Variants in TUBA3C observed in about 807,000 individuals in gnomAD.
TUBA3C encodes tubulin alpha-3C chain.
A neutral mutation model predicts 33.4 loss-of-function variants in TUBA3C; 23 were observed. The observed-to-expected ratio is 0.69, with a 90% confidence interval of 0.50 to 0.98. The LOEUF (loss-of-function observed/expected upper bound fraction) is 0.98, where lower values mean the gene tolerates loss of function less well. Among genes scored for constraint, TUBA3C ranks in the 50% least tolerant of loss-of-function variants. The pLI is 0.00. For missense variants in TUBA3C, 402 were observed against 616.0 expected (o/e 0.65, Z 3.68); for synonymous variants, 269 against 250.4 (o/e 1.07, Z -0.70).
chr13:19,179,542 C>A lies in TUBA3C; in HGVS notation c.25G>T (p.Val9Leu), dbSNP rs139375472. 23 of 1,614,224 alleles carry A rather than the reference C, an allele frequency of 1.4e-5. No individual in the cohort carries two copies. The highest frequency in any genetic ancestry group is 3.3e-4 in the Middle Eastern group (2 of 6,062). The part of the protein sequence containing the change: MRECISIH[V>L]GQAGVQIGNA... ...CCGATCTGGACTCCTGCCTGCCCCA[C>A]GTGGATAGAGATACACTCACGCTGT... Residue 9 changes from valine (V) to leucine (L), a missense_variant, in exon 2 of 5, where the codon GTG (valine) becomes TTG (leucine). Coordinates refer to ENST00000400113, the MANE Select transcript of TUBA3C (RefSeq NM_006001.3).
intron 1 of TUBA3C, among the ~76,000 whole-genome samples, chr13:19,181,207 C>T (rs1440647062): frequency 2.0e-5 from 3 of 151,894 alleles, no homozygotes; most frequent in African/African-American, 7.2e-5. Flanking sequence ...TCCACGCCTC[C>T]ACCCCGGGAA....
In TUBA3C at chr13:19,177,933, G is replaced by A. The variant is rs1362436631; in HGVS notation, c.375+313C>T. Among the ~76,000 whole-genome samples, 1 of 148,064 alleles carries A rather than the reference G, an allele frequency of 6.8e-6. No individual in the cohort carries two copies. Among genetic ancestry groups the A allele is most frequent in the Non-Finnish European group, 1.5e-5 (1 of 67,402 alleles). Reference sequence around the variant, plus strand: ...ATGAACTCCGCTCAGTGCAACCTCTGCCTCCCGGGCTCAAGCCATTCTCCT... The same window carrying A: ...ATGAACTCCGCTCAGTGCAACCTCTACCTCCCGGGCTCAAGCCATTCTCCT... On this transcript the variant is annotated intron_variant, in intron 3 of 4. Transcript: ENST00000400113. The surrounding 1 kb of genome is among the most constrained non-coding windows in gnomAD (Gnocchi z 5.0).
chr13:19,174,981 A>G (rs1869129799), intron 4 of TUBA3C, among the ~76,000 whole-genome samples: 1 of 152,042 alleles, frequency 6.6e-6, no homozygotes, highest in Admixed American at 6.6e-5. Context: ...GGGCACGGTG[A>G]CCCACACCTG....
intron 4 of TUBA3C, 133 bp downstream of exon 4, chr13:19,176,794 A>T: frequency 1.6e-6 from 1 of 624,012 alleles, no homozygotes; most frequent in Non-Finnish European, 2.5e-6. Context: ...CTGGTTCACT[A>T]ATTGATGCCC....
At position 19,181,780 on chromosome 13, in the gene TUBA3C, A is replaced by G. The variant is rs866078502; in HGVS notation, c.-33T>C. 3.1e-6 allele frequency: 5 copies of G among 1,600,698 alleles called. No individual in the cohort carries two copies. The Middle Eastern group carries it at 6.6e-4, about 212-fold the overall frequency. On this transcript the variant is annotated 5_prime_UTR_variant, in exon 1 of 5. Coordinates refer to ENST00000400113, the MANE Select transcript of TUBA3C (RefSeq NM_006001.3). ...TCCTCCGCTGCCGCAGCCCAACGCT[A>G]CTACTTGACCTCAACCGCCGCTGCA...
intron 1 of TUBA3C, among the ~76,000 whole-genome samples, chr13:19,181,037 T>C (rs1439384850): frequency 6.6e-6 from 1 of 151,020 alleles, no homozygotes; most frequent in East Asian, 1.9e-4. Context: ...ATCTATTCTT[T>C]ATGTGAATGC....
chr13:19,174,334 A>AT (rs1204850991), intron 4 of TUBA3C, among the ~76,000 whole-genome samples, 175 bp from the exon 5 acceptor site: 1 of 151,882 alleles, frequency 6.6e-6, no homozygotes, highest in Non-Finnish European at 1.5e-5. Context: ...CAGACAACAT[A>AT]TGTTGCCCAG....
In TUBA3C at chr13:19,177,331, C is replaced by T. The variant is rs1421562155; in HGVS notation, c.652G>A (p.Asp218Asn). The T allele has an allele frequency of 6.2e-7, 1 of 1,613,986 alleles. No individual in the cohort carries two copies. Among genetic ancestry groups the T allele is most frequent in the Non-Finnish European group, 8.5e-7 (1 of 1,180,028 alleles). ...AIYDICRRNLDIERPTYTNLN... is the reference protein window; with the variant it reads ...AIYDICRRNLNIERPTYTNLN... ...TTGGTGTACGTGGGACGCTCGATGT[C>T]CAGGTTGCGCCGACATATGTCATAG... Residue 218 changes from aspartate to asparagine, a missense_variant, in exon 4 of 5, where the codon GAC (aspartate) becomes AAC (asparagine). Transcript: ENST00000400113. This position sits in a 1 kb window ranked among gnomAD's most constrained non-coding sequence, Gnocchi z 5.0.
At chr13:19,178,522 A>T (rs1869285124) in intron 2 of TUBA3C, 128 bp from the exon 3 acceptor site, 1 of 1,304,172 alleles carries the variant, frequency 7.7e-7, no homozygotes, top group Admixed American at 2.5e-5. Flanking sequence ...GTTGTAGGTC[A>T]ACAGTGGCAG....
chr13:19,179,015 A>G (rs1312387028), intron 2 of TUBA3C, among the ~76,000 whole-genome samples: 1 of 152,180 alleles, frequency 6.6e-6, no homozygotes, highest in Non-Finnish European at 1.5e-5. Context: ...ATAAGAGTAC[A>G]CAGCATTCAG....
At chr13:19,174,777 T>C (rs939381094) in intron 4 of TUBA3C, among the ~76,000 whole-genome samples, 12 of 152,166 alleles carry the variant, frequency 7.9e-5, no homozygotes, top group African/African-American at 2.9e-4. Context: ...CTGGGCAGTA[T>C]GGCAAGACCC....
chr13:19,177,020 C>T lies in TUBA3C; in HGVS notation c.963G>A (p.Gly321=). 1 of 1,614,110 alleles carries T rather than the reference C, an allele frequency of 6.2e-7. No homozygotes were observed. Among genetic ancestry groups the T allele is most frequent in the Non-Finnish European group, 8.5e-7 (1 of 1,180,036 alleles). Residue 321 remains glycine (G), a synonymous_variant, in exon 4 of 5, where the codon GGG becomes GGA. Transcript: ENST00000400113. The surrounding 1 kb of genome is among the most constrained non-coding windows in gnomAD (Gnocchi z 5.0). ...KYMACCMLYR[G]DVVPKDVNAA... is the part of the protein sequence containing the mutation. ...CGTTGACATCTTTCGGGACCACATCCCCCCTGTACAACATGCAGCAGGCCA... is the reference window on the plus strand; with the variant it reads ...CGTTGACATCTTTCGGGACCACATCTCCCCTGTACAACATGCAGCAGGCCA...
In TUBA3C at chr13:19,173,831, C is replaced by T; in HGVS notation, c.*32G>A. On this transcript the variant is annotated 3_prime_UTR_variant, in exon 5 of 5. Transcript: ENST00000400113. ...TTGAAAGCAGCCACGCTGGGGGTGG[C>T]AGTGGAGTGGAGAACCCACCACACC... is the stretch of plus-strand genomic sequence containing the variant. 6.3e-7 allele frequency: 1 copy of T among 1,591,052 alleles called. No homozygotes were observed. The highest frequency in any genetic ancestry group is 8.6e-7 in the Non-Finnish European group (1 of 1,167,390).
chr13:19,180,321 T>G (rs1869356282), intron 1 of TUBA3C, among the ~76,000 whole-genome samples: 1 of 152,062 alleles, frequency 6.6e-6, no homozygotes, highest in Admixed American at 6.6e-5. Flanking sequence ...CTCTACCCCT[T>G]GAAGCCTAGG....
At chr13:19,174,883 G>T (rs1321123597) in intron 4 of TUBA3C, among the ~76,000 whole-genome samples, 1 of 151,636 alleles carries the variant, frequency 6.6e-6, no homozygotes, top group Non-Finnish European at 1.5e-5. Flanking sequence ...GATTGCTTGA[G>T]CCTGGAGGGC....
chr13:19,174,142 C>T lies in TUBA3C; in HGVS notation c.1074G>A (p.Gln358=), dbSNP rs778173307. The T allele has an allele frequency of 4.3e-6, 7 of 1,611,344 alleles. No individual in the cohort carries two copies. The Admixed American group carries it at 1.2e-4, about 27-fold the overall frequency. Reference sequence around the variant, plus strand: ...CTCCCCCAGGGACCACCGTGGGGGGCTGGTAGTTAATGCCCACCTGCCGGA... The same window carrying T: ...CTCCCCCAGGGACCACCGTGGGGGGTTGGTAGTTAATGCCCACCTGCCGGA... ...PTGFKVGINY[Q]PPTVVPGGDL... is the part of the protein sequence containing the mutation. Residue 358 remains glutamine (Q), a synonymous_variant, in exon 5 of 5, where the codon CAG becomes CAA. Coordinates refer to ENST00000400113, the MANE Select transcript of TUBA3C (RefSeq NM_006001.3).
intron 4 of TUBA3C, among the ~76,000 whole-genome samples, chr13:19,176,193 C>T (rs1462836667): frequency 6.6e-6 from 1 of 151,924 alleles, no homozygotes; most frequent in Non-Finnish European, 1.5e-5. Context: ...CTAAGACAAG[C>T]AGATCACTTA....
chr13:19,181,728 G>T lies in TUBA3C; in HGVS notation c.3+17C>A. 2.5e-6 allele frequency: 4 copies of T among 1,602,026 alleles called. No individual in the cohort carries two copies. Among genetic ancestry groups the T allele is most frequent in the Non-Finnish European group, 2.5e-6 (3 of 1,179,908 alleles). ...TCCAGCCTGGGCGTCTGCGGGGTGG[G>T]AGTGACCTGGCCTTACCATGTTGAG... On this transcript the variant is annotated intron_variant, in intron 1 of 4. Transcript: ENST00000400113.
At position 19,177,761 on chromosome 13, in the gene TUBA3C, A is replaced by G. The variant is rs184945036; in HGVS notation, c.376-154T>C. Among the ~76,000 whole-genome samples, 1 of 152,272 alleles carries G rather than the reference A, an allele frequency of 6.6e-6. No homozygotes were observed. Among genetic ancestry groups the G allele is most frequent in the East Asian group, 1.9e-4 (1 of 5,178 alleles). Reference sequence around the variant, plus strand: ...TACACTCTGAAGCAAAGAAAAGCAGACAAAGATCTACAGACAAATCACCAT... The same window carrying G: ...TACACTCTGAAGCAAAGAAAAGCAGGCAAAGATCTACAGACAAATCACCAT... On this transcript the variant is annotated intron_variant, in intron 3 of 4. Coordinates refer to ENST00000400113, the MANE Select transcript of TUBA3C (RefSeq NM_006001.3). The surrounding 1 kb of genome is among the most constrained non-coding windows in gnomAD (Gnocchi z 5.0).
Sources: gnomAD v4.1 joint callset for allele counts (sites outside exome capture counted in the v4.1 genomes callset) on GRCh38, gnomAD v4.1.1 for gene constraint, Gnocchi (gnomAD v3.1) non-coding constraint, MANE v1.5 for transcripts, NCBI Gene and HGNC (gene_info 2026-07-23, HGNC 2026-07-21) for gene names.